The following SP7 variants were observed in gnomAD, a reference collection of about 807,000 sequenced individuals.
The protein encoded by SP7 is Sp7 transcription factor.
A neutral mutation model predicts 27.9 loss-of-function variants in SP7; 13 were observed. That is an observed-to-expected ratio of 0.47 (90% confidence interval 0.30 to 0.74). The LOEUF (loss-of-function observed/expected upper bound fraction) is 0.74, where lower values mean the gene tolerates loss of function less well. SP7 is among the 30% of genes least tolerant of loss of function. The pLI is 0.06. For synonymous variants in SP7, 219 were observed against 226.7 expected, an observed-to-expected ratio of 0.97 and a Z score of 0.31; for missense variants, 525 against 558.0, an observed-to-expected ratio of 0.94 and a Z score of 0.60.
rs1013111643 is a variant in SP7, at chr12:53,327,805, C to T, written c.*341G>A. The T allele has an allele frequency of 9.9e-6, 3 of 302,756 alleles. No homozygotes were observed. In the South Asian group the frequency reaches 3.3e-4, roughly 34 times the overall value. The allele number at this position is 302,756 out of a possible 1,614,324, so 18.8% of individuals were successfully genotyped here. ...TAAGCTTGAGAAGCAGAAAGGGGTA[C>T]ATGTCAAGGAGTGAGATGGAGAAAT... On this transcript the variant is annotated 3_prime_UTR_variant, in exon 3 of 3. Transcript: ENST00000536324.
intron 1 of SP7, among the ~76,000 whole-genome samples, chr12:53,342,962 G>T (rs1425535343): frequency 6.6e-6 from 1 of 151,852 alleles, no homozygotes; most frequent in African/African-American, 2.4e-5. Context: ...GCATGACTAA[G>T]TAAAGAAACT....
rs542641721 is a variant in SP7, at chr12:53,329,379, C to G, written c.63G>C (p.Thr21=). 3.7e-6 allele frequency: 6 copies of G among 1,613,966 alleles called. No homozygotes were observed. Among genetic ancestry groups the G allele is most frequent in the Non-Finnish European group, 4.2e-6 (5 of 1,179,892 alleles). ...HYGSSPLAML[T]AACSKFGGSS... ...AGCCACCAAATTTGCTGCACGCTGC[C>G]GTCAGCATGGCCAGGGGACTGGAGC... is the stretch of plus-strand genomic sequence containing the variant. Residue 21 remains threonine, a synonymous_variant, in exon 3 of 3, where the codon ACG becomes ACC. Coordinates refer to ENST00000536324, the MANE Select transcript of SP7 (RefSeq NM_001173467.3).
rs1462507672 is a variant in SP7, at chr12:53,329,103, G to A, written c.339C>T (p.Pro113=). The A allele has an allele frequency of 1.2e-6, 2 of 1,613,852 alleles. No homozygotes were observed. The highest frequency in any genetic ancestry group is 4.5e-5 in the East Asian group (2 of 44,882). Residue 113 remains proline (P), a synonymous_variant, in exon 3 of 3, where the codon CCC becomes CCT. Transcript: ENST00000536324. Reference sequence around the variant, plus strand: ...GACAGTCAGAAGAGCTGTGCCCCTTGGGCACTAGTAGCCCAGGGTCCTGGG... The same window carrying A: ...GACAGTCAGAAGAGCTGTGCCCCTTAGGCACTAGTAGCCCAGGGTCCTGGG... ...TGTQDPGLLV[P]KGHSSSDCLP...
upstream of SP7, among the ~76,000 whole-genome samples, chr12:53,340,904 G>T (rs1206358515): frequency 6.6e-6 from 1 of 152,206 alleles, no homozygotes; most frequent in Non-Finnish European, 1.5e-5. Context: ...GACCAGGAAA[G>T]CTTGCTCCTT....
intron 2 of SP7, among the ~76,000 whole-genome samples, chr12:53,334,268 A>G (rs1188468988): frequency 6.7e-6 from 1 of 148,756 alleles, no homozygotes; most frequent in African/African-American, 2.5e-5. Context: ...CAAATTCACT[A>G]TCTCACAGCC....
intron 2 of SP7, among the ~76,000 whole-genome samples, chr12:53,332,504 G>A (rs1181916634): frequency 6.6e-6 from 1 of 152,124 alleles, no homozygotes; most frequent in Non-Finnish European, 1.5e-5. Context: ...CTTGAGCTAA[G>A]TAGTTAGAGG....
intron 2 of SP7, among the ~76,000 whole-genome samples, chr12:53,332,993 G>C (rs1486887318): frequency 6.6e-6 from 1 of 152,342 alleles, no homozygotes; most frequent in African/African-American, 2.4e-5. Context: ...CCACCCAGCT[G>C]TGGGGAGGGA....
At chr12:53,334,040 C>T (rs1306059823) in intron 2 of SP7, among the ~76,000 whole-genome samples, 1 of 152,262 alleles carries the variant, frequency 6.6e-6, no homozygotes, top group East Asian at 1.9e-4. Flanking sequence ...CCCACTGACA[C>T]TGTCCCTGCC....
rs566469527 is a variant in SP7 at position 53,328,265 on chromosome 12, C to T, written c.1177G>A (p.Glu393Lys). 47 of 1,611,238 alleles carry T rather than the reference C, an allele frequency of 2.9e-5. 1 individual carries two copies. The East Asian group carries it at 9.8e-4, about 34-fold the overall frequency. The change falls in exon 3 of 3, where the codon GAG becomes AAG. Residue 393 changes from glutamate (E) to lysine (K), a missense_variant. Physicochemically the swap from Glu to Lys is moderately conservative, Grantham distance 56. Coordinates refer to ENST00000536324, the MANE Select transcript of SP7 (RefSeq NM_001173467.3). The surrounding 1 kb of genome is among the most constrained non-coding windows in gnomAD (Gnocchi z 5.1). ...TCCTCTTCCCCCGTGCTGCGGCCCT[C>T]CCCCAGCTCCTTGGGGCCACTGGGA... ...PPPSGPKELG[E>K]GRSTGEEEAS...
In SP7 at chr12:53,328,730, C is replaced by A. The variant is rs200167223; in HGVS notation, c.712G>T (p.Gly238Trp). 165 of 1,606,484 alleles carry A rather than the reference C, an allele frequency of 1.0e-4. No homozygotes were observed. The highest frequency in any genetic ancestry group is 1.4e-4 in the Non-Finnish European group (162 of 1,174,480). Reference sequence around the variant, plus strand: ...GCTCCACCACTCCCTTCTAGCTGCCCACTATTTCCCACTGCCTTGGGTTTA... The same window carrying A: ...GCTCCACCACTCCCTTCTAGCTGCCAACTATTTCCCACTGCCTTGGGTTTA... ...VYKPKAVGNS[G>W]QLEGSGGAKP... The change falls in exon 3 of 3, where the codon GGG becomes TGG. Residue 238 changes from glycine (G) to tryptophan (W), a missense_variant. Gly to Trp is a radical substitution (Grantham distance 184). Transcript: ENST00000536324. The surrounding 1 kb of genome is among the most constrained non-coding windows in gnomAD (Gnocchi z 5.1).
rs753884103 is a variant in SP7, at chr12:53,329,384, G to C, written c.58C>G (p.Leu20Val). 6.2e-7 allele frequency: 1 copy of C among 1,614,030 alleles called. No homozygotes were observed. The highest frequency in any genetic ancestry group is 8.5e-7 in the Non-Finnish European group (1 of 1,179,888). ...VHYGSSPLAM[L>V]TAACSKFGGS... The stretch of plus-strand genomic sequence containing the variant: ...CCAAATTTGCTGCACGCTGCCGTCA[G>C]CATGGCCAGGGGACTGGAGCCATAG... Residue 20 changes from leucine to valine, a missense_variant, in exon 3 of 3, where the codon CTG becomes GTG. Coordinates refer to ENST00000536324, the MANE Select transcript of SP7 (RefSeq NM_001173467.3).
At chr12:53,335,061 G>T (rs1038679906) in intron 2 of SP7, among the ~76,000 whole-genome samples, 1 of 152,060 alleles carries the variant, frequency 6.6e-6, no homozygotes, top group African/African-American at 2.4e-5. Flanking sequence ...GCACAGGCTG[G>T]CCTCCTCCTT....
At chr12:53,329,484 CT>C in intron 2 of SP7, 64 bp from the exon 3 acceptor site, 1 of 1,419,452 alleles carries the variant, frequency 7.0e-7, no homozygotes, top group Non-Finnish European at 9.8e-7. Flanking sequence ...AAGGGCAACA[CT>C]TTAGGACTGA....
intron 1 of SP7, among the ~76,000 whole-genome samples, chr12:53,343,691 C>A (rs981819217): frequency 6.6e-6 from 1 of 152,172 alleles, no homozygotes; most frequent in African/African-American, 2.4e-5. Flanking sequence ...GGCAAGGAAA[C>A]AATCTGTTGC....
At position 53,329,079 on chromosome 12, in the gene SP7, A is replaced by G; in HGVS notation, c.363T>C (p.Cys121=). 6.2e-7 allele frequency: 1 copy of G among 1,613,870 alleles called. No individual in the cohort carries two copies. Among genetic ancestry groups the G allele is most frequent in the Non-Finnish European group, 8.5e-7 (1 of 1,179,876 alleles). The change falls in exon 3 of 3, where the codon TGT becomes TGC. Residue 121 remains cysteine, a synonymous_variant. Transcript: ENST00000536324. ...LVPKGHSSSD[C]LPSVYTSLDM... is the part of the protein sequence containing the mutation. Reference sequence around the variant, plus strand: ...CCAGAGAGGTGTAGACACTGGGCAGACAGTCAGAAGAGCTGTGCCCCTTGG... The same window carrying G: ...CCAGAGAGGTGTAGACACTGGGCAGGCAGTCAGAAGAGCTGTGCCCCTTGG...
rs1442149259 is a variant in SP7 at position 53,328,403 on chromosome 12, T to G, written c.1039A>C (p.Thr347Pro). ...GTGAACTTCTTCTCCCGGGTGTGAG[T>G]GCGCACATGACGCTCCAGCTCATCC... ...RSDELERHVR[T>P]HTREKKFTCL... Residue 347 changes from threonine (T) to proline (P), a missense_variant, in exon 3 of 3, where the codon ACT (threonine) becomes CCT (proline). By Grantham distance (38) the Thr-to-Pro change is conservative. Coordinates refer to ENST00000536324, the MANE Select transcript of SP7 (RefSeq NM_001173467.3). The surrounding 1 kb of genome is among the most constrained non-coding windows in gnomAD (Gnocchi z 5.1). 3.1e-6 allele frequency: 5 copies of G among 1,613,728 alleles called. No individual in the cohort carries two copies. The highest frequency in any genetic ancestry group is 4.2e-6 in the Non-Finnish European group (5 of 1,179,834).
rs373337081 is a variant in SP7, at chr12:53,328,441, C to G, written c.1001G>C (p.Arg334Thr). The G allele has an allele frequency of 4.3e-6, 7 of 1,613,970 alleles. No homozygotes were observed. The highest frequency in any genetic ancestry group is 1.1e-5 in the South Asian group (1 of 91,090). ...FVCNWLFCGKRFTRSDELERH... is the reference protein window; with the variant it reads ...FVCNWLFCGKTFTRSDELERH... The stretch of plus-strand genomic sequence containing the variant: ...CTCCAGCTCATCCGAACGAGTGAAC[C>G]TCTTGCCGCAGAAGAGCCAGTTGCA... The change falls in exon 3 of 3, where the codon AGG (arginine) becomes ACG (threonine). Residue 334 changes from arginine (R) to threonine (T), a missense_variant. Transcript: ENST00000536324. The surrounding 1 kb of genome is among the most constrained non-coding windows in gnomAD (Gnocchi z 5.1).
chr12:53,339,500 TGG>T (rs1944803666), upstream of SP7, among the ~76,000 whole-genome samples: 1 of 150,134 alleles, frequency 6.7e-6, no homozygotes, highest in African/African-American at 2.5e-5. Flanking sequence ...CCAAGGTGGG[TGG>T]ATCACCTGAG....
At chr12:53,339,589 G>T (rs1944804244), upstream of SP7, among the ~76,000 whole-genome samples, 1 of 152,068 alleles carries the variant, frequency 6.6e-6, no homozygotes, top group African/African-American at 2.4e-5. Flanking sequence ...GCTGAGCGTG[G>T]TGACGGGTGC....
Sources: allele counts gnomAD v4.1 joint callset (sites outside exome capture counted in the v4.1 genomes callset), GRCh38; gene constraint gnomAD v4.1.1; non-coding constraint Gnocchi (gnomAD v3.1); transcripts MANE v1.5; gene names NCBI Gene and HGNC (gene_info 2026-07-23, HGNC 2026-07-21).